The following CNTNAP5 variants were observed in gnomAD, a reference collection of about 807,000 sequenced individuals.
CNTNAP5 encodes the protein contactin-associated protein-like 5.
In CNTNAP5, 72 loss-of-function variants were observed where a neutral mutation model predicts 150.2. The ratio of observed to expected loss-of-function variants is 0.48; its 90% CI spans 0.40 to 0.58. The LOEUF (loss-of-function observed/expected upper bound fraction) is 0.58, where lower values mean the gene tolerates loss of function less well. Among genes scored for constraint, CNTNAP5 ranks in the 20% least tolerant of loss-of-function variants. The pLI is 0.00. For synonymous variants in CNTNAP5, 672 were observed against 619.8 expected, an observed-to-expected ratio of 1.08 and a Z score of -1.25; for missense variants, 1,636 against 1,626.2, an observed-to-expected ratio of 1.01 and a Z score of -0.10.
At position 124,302,397 on chromosome 2, in the gene CNTNAP5, G is replaced by T. The variant is rs151161104; in HGVS notation, c.381+60004G>T. Among the ~76,000 whole-genome samples, 391 of 152,274 alleles carry T rather than the reference G, an allele frequency of 2.6e-3. 1 individual carries two copies. The highest frequency in any genetic ancestry group is 8.9e-3 in the African/African-American group (371 of 41,552). On this transcript the variant is annotated intron_variant, in intron 3 of 23. Transcript: ENST00000682447. ...TGGGTAATTTTAAATAAACAGAAAT[G>T]CATTTGGCTTATGGGTCTAGAGGCT...
intron 21 of CNTNAP5, among the ~76,000 whole-genome samples, chr2:124,890,185 C>A (rs943713753): frequency 4.6e-5 from 7 of 152,082 alleles, no homozygotes; most frequent in Admixed American, 2.6e-4. Context: ...TTTACCACTT[C>A]AATACCAGCT....
At chr2:124,376,931 A>C in intron 3 of CNTNAP5, among the ~76,000 whole-genome samples, 1 of 152,080 alleles carries the variant, frequency 6.6e-6, no homozygotes, top group East Asian at 1.9e-4. Context: ...CCTGTGTTTA[A>C]ATGGAAATAT....
intron 21 of CNTNAP5, among the ~76,000 whole-genome samples, chr2:124,875,101 G>A (rs1157348444): frequency 6.6e-6 from 1 of 151,936 alleles, no homozygotes; most frequent in African/African-American, 2.4e-5. Flanking sequence ...TATAGAACAG[G>A]GTTCTTTAAT....
At chr2:124,410,908 A>G (rs1174628078) in intron 3 of CNTNAP5, among the ~76,000 whole-genome samples, 1 of 151,902 alleles carries the variant, frequency 6.6e-6, no homozygotes, top group East Asian at 1.9e-4. Flanking sequence ...ATAGAGACAC[A>G]AAAAACTCTT....
intron 19 of CNTNAP5, among the ~76,000 whole-genome samples, chr2:124,833,132 A>G (rs542547090): frequency 2.1e-4 from 32 of 150,874 alleles, no homozygotes; most frequent in African/African-American, 7.3e-4. Context: ...CTGGTCTCAA[A>G]CTCCTGAGCT....
intron 13 of CNTNAP5, among the ~76,000 whole-genome samples, chr2:124,682,129 G>A (rs932127623): frequency 5.3e-5 from 8 of 152,114 alleles, no homozygotes; most frequent in African/African-American, 1.7e-4. Context: ...TTCTTTCCGA[G>A]GTCTTTTTCG....
At chr2:124,407,476 G>T (rs1691603658) in intron 3 of CNTNAP5, among the ~76,000 whole-genome samples, 1 of 152,122 alleles carries the variant, frequency 6.6e-6, no homozygotes, top group Non-Finnish European at 1.5e-5. Flanking sequence ...ATACTAGAAA[G>T]AAAAGGCATA....
intron 6 of CNTNAP5, among the ~76,000 whole-genome samples, chr2:124,471,549 C>A (rs1289566354): frequency 6.6e-6 from 1 of 152,058 alleles, no homozygotes; most frequent in Non-Finnish European, 1.5e-5. Flanking sequence ...ACCTGATTAC[C>A]TTTTATCTTT....
At chr2:124,599,680 A>C (rs573642460) in intron 11 of CNTNAP5, among the ~76,000 whole-genome samples, 2 of 152,164 alleles carry the variant, frequency 1.3e-5, no homozygotes, top group Non-Finnish European at 2.9e-5. Context: ...TTGAGAAACC[A>C]TTTACTCTCA....
intron 21 of CNTNAP5, among the ~76,000 whole-genome samples, chr2:124,901,837 T>C (rs1678419664): frequency 6.6e-6 from 1 of 152,138 alleles, no homozygotes; most frequent in Admixed American, 6.6e-5. Context: ...AAAGGCATTA[T>C]TAAAGGAGGT....
intron 13 of CNTNAP5, among the ~76,000 whole-genome samples, chr2:124,712,855 TCCTG>T (rs1210629149): frequency 4.6e-5 from 7 of 151,982 alleles, no homozygotes; most frequent in Non-Finnish European, 1.0e-4. Context: ...CAAAGGATCT[TCCTG>T]CCTCAGCCTC....
At chr2:124,782,226 G>A (rs1414572803) in intron 17 of CNTNAP5, among the ~76,000 whole-genome samples, 3 of 152,012 alleles carry the variant, frequency 2.0e-5, no homozygotes, top group Non-Finnish European at 4.4e-5. Context: ...AAGCCACCTT[G>A]CTTCCTTCCA....
chr2:124,851,130 C>T (rs989932819), intron 19 of CNTNAP5, among the ~76,000 whole-genome samples: 2 of 152,056 alleles, frequency 1.3e-5, no homozygotes, highest in Admixed American at 6.5e-5. Context: ...TTTGGGAGGC[C>T]GAGGCAGGTG....
intron 12 of CNTNAP5, among the ~76,000 whole-genome samples, chr2:124,625,092 C>T (rs1677691564): frequency 2.0e-5 from 3 of 152,100 alleles, no homozygotes; most frequent in Admixed American, 2.0e-4. Flanking sequence ...ACAGAGAAAG[C>T]CTCCTGTGTC....
chr2:124,609,935 G>C lies in CNTNAP5; in HGVS notation c.1876+15G>C. The stretch of plus-strand genomic sequence containing the variant: ...CAATATCACTGGTAAGGGTGCAGTA[G>C]CCCTACTCACACTTAACCACCCCAC... On this transcript the variant is annotated intron_variant, in intron 12 of 23. Transcript: ENST00000682447. The C allele has an allele frequency of 6.2e-7, 1 of 1,606,542 alleles. No homozygotes were observed. Among genetic ancestry groups the C allele is most frequent in the Non-Finnish European group, 8.5e-7 (1 of 1,174,008 alleles).
At chr2:124,406,078 T>G (rs1326096232) in intron 3 of CNTNAP5, among the ~76,000 whole-genome samples, 1 of 152,210 alleles carries the variant, frequency 6.6e-6, no homozygotes, top group Non-Finnish European at 1.5e-5. Context: ...CCGTTTAGAT[T>G]TCTTCTTTGA....
At position 124,490,965 on chromosome 2, in the gene CNTNAP5, C is replaced by T. The variant is rs370806276; in HGVS notation, c.1063-13327C>T. On this transcript the variant is annotated intron_variant, in intron 7 of 23. Coordinates refer to ENST00000682447, the MANE Select transcript of CNTNAP5 (RefSeq NM_001367498.1). ...ACAGCATTGACCTGGGATATCACCC[C>T]AAATGTCAGTATTTCAGTAGCAGAT... 6.6e-5 allele frequency among the ~76,000 whole-genome samples: 10 copies of T among 152,030 alleles called. No individual in the cohort carries two copies. In the South Asian group the frequency reaches 1.2e-3, roughly 19 times the overall value.
At chr2:124,308,313 G>A (rs750781901) in intron 3 of CNTNAP5, among the ~76,000 whole-genome samples, 14 of 152,028 alleles carry the variant, frequency 9.2e-5, no homozygotes, top group Non-Finnish European at 1.6e-4. Flanking sequence ...CTTACAAACC[G>A]TTTATCCATC....
rs145698597 is a variant in CNTNAP5, at chr2:124,737,117, C to T, written c.2078-10112C>T. ...ACCAGCCTGACCAACATAGAGAAACCCTATCTCTTCTAAAAATACAAAAAT... is the reference window on the plus strand; with the variant it reads ...ACCAGCCTGACCAACATAGAGAAACTCTATCTCTTCTAAAAATACAAAAAT... On this transcript the variant is annotated intron_variant, in intron 13 of 23. Coordinates refer to ENST00000682447, the MANE Select transcript of CNTNAP5 (RefSeq NM_001367498.1). Among the ~76,000 whole-genome samples, 460 of 151,882 alleles carry T rather than the reference C, an allele frequency of 3.0e-3. 3 individuals carry two copies. Among genetic ancestry groups the T allele is most frequent in the African/African-American group, 0.01 (431 of 41,400 alleles).
Sources: allele counts gnomAD v4.1 joint callset (sites outside exome capture counted in the v4.1 genomes callset), GRCh38; gene constraint gnomAD v4.1.1; transcripts MANE v1.5; gene names NCBI Gene and HGNC (gene_info 2026-07-23, HGNC 2026-07-21).